HEMK2: variants seen among roughly 807,000 people sequenced by gnomAD.
HEMK2 encodes the protein HemK methyltransferase 2, ETF1 glutamine and histone H4 lysine.
At chr21:28,742,710 C>T in the HEMK2 span, among the ~76,000 whole-genome samples, 34,737 of 151,674 alleles carry the variant, frequency 0.23, 4,613 homozygotes, top group African/African-American at 0.35. Context: ...AGGGAGATAA[C>T]GACACAGTGG....
At chr21:28,770,400 C>A in the HEMK2 span, among the ~76,000 whole-genome samples, 1 of 152,028 alleles carries the variant, frequency 6.6e-6, no homozygotes, top group Admixed American at 6.6e-5. Flanking sequence ...AACTTGTTTC[C>A]AAGTGAAGGG....
the HEMK2 span, among the ~76,000 whole-genome samples, chr21:28,783,083 A>G: frequency 1.3e-5 from 2 of 152,104 alleles, no homozygotes; most frequent in Non-Finnish European, 2.9e-5. Flanking sequence ...TTTTTTTCAG[A>G]TTTTGGAATA....
chr21:28,838,888 G>A, the HEMK2 span, among the ~76,000 whole-genome samples: 2 of 131,234 alleles, frequency 1.5e-5, no homozygotes, highest in East Asian at 4.8e-4. Context: ...GTGGTGAGCC[G>A]AAATCATGCC....
At chr21:28,811,287 AAAG>A in the HEMK2 span, among the ~76,000 whole-genome samples, 1 of 148,014 alleles carries the variant, frequency 6.8e-6, no homozygotes, top group Non-Finnish European at 1.5e-5. Context: ...AAAGAAAAGA[AAAG>A]AAGAAAGGGA....
chr21:28,693,753 T>G, the HEMK2 span, among the ~76,000 whole-genome samples: 126 of 152,310 alleles, frequency 8.3e-4, no homozygotes, highest in East Asian at 0.014. Context: ...TAACTTGCCT[T>G]GAGGATAACA....
the HEMK2 span, among the ~76,000 whole-genome samples, chr21:28,776,489 G>T: frequency 6.6e-6 from 1 of 152,218 alleles, no homozygotes; most frequent in Non-Finnish European, 1.5e-5. Flanking sequence ...GACTGTGGTT[G>T]TATTAGTCAT....
At chr21:28,762,573 A>G in the HEMK2 span, among the ~76,000 whole-genome samples, 34 of 152,280 alleles carry the variant, frequency 2.2e-4, no homozygotes, top group Admixed American at 1.8e-3. Flanking sequence ...GCAAGCTGCA[A>G]TGGTTTTAAT....
At chr21:28,593,378 G>A in the HEMK2 span, among the ~76,000 whole-genome samples, 3 of 152,130 alleles carry the variant, frequency 2.0e-5, no homozygotes, top group Admixed American at 6.6e-5. Flanking sequence ...AAGCACTTCA[G>A]ATAAGATACT....
At chr21:28,584,414 T>C in the HEMK2 span, among the ~76,000 whole-genome samples, 7 of 152,162 alleles carry the variant, frequency 4.6e-5, no homozygotes, top group Admixed American at 2.0e-4. Context: ...TGAGTATAAT[T>C]GAGGAAGATA....
At chr21:28,656,277 A>G in the HEMK2 span, among the ~76,000 whole-genome samples, 2 of 152,046 alleles carry the variant, frequency 1.3e-5, no homozygotes, top group Admixed American at 6.6e-5. Flanking sequence ...GCCACAACCT[A>G]TAGAAAACAC....
the HEMK2 span, among the ~76,000 whole-genome samples, chr21:28,797,444 AAAAAAAAAAAC>A: frequency 1.4e-5 from 2 of 140,790 alleles, no homozygotes; most frequent in Non-Finnish European, 3.0e-5. Context: ...AAAAAAAACA[AAAAAAAAAAAC>A]AAAAAACAAA....
the HEMK2 span, among the ~76,000 whole-genome samples, chr21:28,700,881 T>C: frequency 6.6e-6 from 1 of 151,854 alleles, no homozygotes; most frequent in African/African-American, 2.4e-5. Flanking sequence ...CTGATGAACA[T>C]AGATGCAAAA....
At chr21:28,847,687 C>T in the HEMK2 span, among the ~76,000 whole-genome samples, 1 of 152,302 alleles carries the variant, frequency 6.6e-6, no homozygotes, top group East Asian at 1.9e-4. Flanking sequence ...ATCATGAAGA[C>T]TTTGCCATGG....
the HEMK2 span, among the ~76,000 whole-genome samples, chr21:28,840,114 G>A: frequency 6.6e-6 from 1 of 152,106 alleles, no homozygotes; most frequent in South Asian, 2.1e-4. Context: ...CATAAAGTGG[G>A]GAAACGACAT....
chr21:28,799,749 TC>T, the HEMK2 span, among the ~76,000 whole-genome samples: 46 of 152,336 alleles, frequency 3.0e-4, 1 homozygote, highest in East Asian at 8.7e-3. Flanking sequence ...TCCCTATTTT[TC>T]CCTATGTGAA....
At chr21:28,776,006 C>T in the HEMK2 span, among the ~76,000 whole-genome samples, 1 of 151,874 alleles carries the variant, frequency 6.6e-6, no homozygotes, top group Non-Finnish European at 1.5e-5. Context: ...TATGCAATGG[C>T]CTTTAACAGA....
At chr21:28,653,422 C>A in the HEMK2 span, among the ~76,000 whole-genome samples, 1 of 152,130 alleles carries the variant, frequency 6.6e-6, no homozygotes, top group African/African-American at 2.4e-5. Context: ...TAAACTGGTC[C>A]AGCTCCTTGT....
At chr21:28,609,647 A>AG in the HEMK2 span, among the ~76,000 whole-genome samples, 27 of 150,242 alleles carry the variant, frequency 1.8e-4, no homozygotes, top group Non-Finnish European at 1.0e-4. Context: ...TCCAACTTAA[A>AG]GAAAAAAAAA....
At chr21:28,652,157 A>G in the HEMK2 span, among the ~76,000 whole-genome samples, 1 of 152,198 alleles carries the variant, frequency 6.6e-6, no homozygotes, top group South Asian at 2.1e-4. Context: ...ATTAAAACAT[A>G]AGAAAAGTTA....
Sources: gnomAD v4.1 joint callset for allele counts (sites outside exome capture counted in the v4.1 genomes callset) on GRCh38, gnomAD v4.1.1 for gene constraint, MANE v1.5 for transcripts, NCBI Gene and HGNC (gene_info 2026-07-23, HGNC 2026-07-21) for gene names.